KIF26B: variants seen among roughly 807,000 people sequenced by gnomAD.
The protein encoded by KIF26B is kinesin family member 26B.
A neutral mutation model predicts 151.2 loss-of-function variants in KIF26B; 63 were observed. The observed-to-expected ratio is 0.42, with a 90% confidence interval of 0.34 to 0.51. The LOEUF is 0.51. Ranked by LOEUF, KIF26B falls within the 20% of genes least tolerant of loss-of-function variation. The probability of loss-of-function intolerance (pLI) is 0.07; values close to 1 mark genes in which losing one functional copy is unlikely to be tolerated. For missense variants in KIF26B, 2,813 were observed against 2,913.6 expected, an observed-to-expected ratio of 0.97 and a Z score of 0.79; for synonymous variants, 1,357 against 1,262.1, an observed-to-expected ratio of 1.08 and a Z score of -1.59.
rs533030014 is a variant in KIF26B, at chr1:245,350,051, A to ATTT, written c.466-16776_466-16774dup. On this transcript the variant is annotated intron_variant, in intron 2 of 14. Coordinates refer to ENST00000407071, the MANE Select transcript of KIF26B (RefSeq NM_018012.4). ...AAGTGCAGAGAGTATATATATATAT[A>ATTT]TTTTTTTTTCATAAATACTTGCACA... 1.7e-4 allele frequency among the ~76,000 whole-genome samples: 24 copies of ATTT among 141,050 alleles called. No homozygotes were observed. In the East Asian group the frequency reaches 2.3e-3, roughly 14 times the overall value. The allele number at this position is 141,050 out of a possible 152,430, so 92.5% of individuals were successfully genotyped here.
chr1:245,425,371 A>G (rs1658618441), intron 4 of KIF26B, among the ~76,000 whole-genome samples: 2 of 151,948 alleles, frequency 1.3e-5, no homozygotes, highest in African/African-American at 4.8e-5. Context: ...CTTTGCATTG[A>G]TTTTCTTTCC....
In KIF26B at chr1:245,688,147, G is replaced by C. The variant is rs752859652; in HGVS notation, c.5164G>C (p.Gly1722Arg). The change falls in exon 12 of 15, where the codon GGG becomes CGG. Residue 1722 changes from glycine to arginine, a missense_variant. By Grantham distance (125) the Gly-to-Arg change is moderately radical. This residue lies in a region of KIF26B where 2,060 missense variants were observed against 2,088.6 expected (regional missense o/e 0.99). Transcript: ENST00000407071. The part of the protein sequence containing the change: ...RSAGTSPPSS[G>R]ASPKAGQSKI... The stretch of plus-strand genomic sequence containing the variant: ...CGCCGGGACCTCGCCCCCCAGCTCC[G>C]GGGCCTCGCCCAAGGCCGGCCAGTC... 6.3e-7 allele frequency: 1 copy of C among 1,593,844 alleles called. No individual in the cohort carries two copies. The highest frequency in any genetic ancestry group is 8.5e-7 in the Non-Finnish European group (1 of 1,176,576).
chr1:245,321,142 C>T (rs1315766726), intron 2 of KIF26B, among the ~76,000 whole-genome samples: 1 of 151,958 alleles, frequency 6.6e-6, no homozygotes, highest in East Asian at 1.9e-4. Context: ...CCCCTGTTCT[C>T]TCTCTATTCA....
chr1:245,543,083 C>G (rs1166269662), intron 5 of KIF26B, among the ~76,000 whole-genome samples: 2 of 152,152 alleles, frequency 1.3e-5, no homozygotes, highest in Non-Finnish European at 2.9e-5. Context: ...ACAGTACTGG[C>G]CTTGTCTGTG....
intron 9 of KIF26B, among the ~76,000 whole-genome samples, chr1:245,629,338 T>G (rs1202472596): frequency 6.6e-6 from 1 of 152,136 alleles, no homozygotes; most frequent in Non-Finnish European, 1.5e-5. Context: ...GCTACCTGAC[T>G]TCAAACTATA....
At chr1:245,690,205 C>T (rs537379506) in intron 12 of KIF26B, among the ~76,000 whole-genome samples, 28 of 152,306 alleles carry the variant, frequency 1.8e-4, no homozygotes, top group Middle Eastern at 3.4e-3. Context: ...ATGAAATTTA[C>T]GCAGAACCCC....
intron 2 of KIF26B, among the ~76,000 whole-genome samples, chr1:245,217,947 G>A (rs1669682878): frequency 1.3e-5 from 2 of 152,210 alleles, no homozygotes; most frequent in Non-Finnish European, 2.9e-5. Context: ...GAAGCACCGA[G>A]AGAATAAATG....
intron 5 of KIF26B, among the ~76,000 whole-genome samples, chr1:245,553,837 G>A (rs1488710291): frequency 1.3e-5 from 2 of 152,130 alleles, no homozygotes; most frequent in Non-Finnish European, 2.9e-5. Flanking sequence ...TCTGTGTCTA[G>A]AGCACCAGAC....
chr1:245,503,356 A>G (rs1300087780), intron 4 of KIF26B, among the ~76,000 whole-genome samples: 1 of 152,192 alleles, frequency 6.6e-6, no homozygotes, highest in Admixed American at 6.5e-5. Context: ...TTTGGGTAGT[A>G]CCTACCACCC....
In KIF26B at chr1:245,167,285, C is replaced by T. The variant is rs143635955; in HGVS notation, c.465+10602C>T. 3.6e-3 allele frequency among the ~76,000 whole-genome samples: 540 copies of T among 152,100 alleles called. No individual in the cohort carries two copies. Among genetic ancestry groups the T allele is most frequent in the African/African-American group, 0.013 (525 of 41,502 alleles). On this transcript the variant is annotated intron_variant, in intron 2 of 14. Transcript: ENST00000407071. The surrounding 1 kb of genome is among the most constrained non-coding windows in gnomAD (Gnocchi z 4.2). ...ATAGAAACTTTTATTTTGATATGTC[C>T]TTATCTAAGTGATGTCTGAGGTCTG...
intron 4 of KIF26B, among the ~76,000 whole-genome samples, chr1:245,522,031 G>T (rs565595891): frequency 6.6e-6 from 1 of 151,830 alleles, no homozygotes; most frequent in East Asian, 1.9e-4. Flanking sequence ...CACCATGCCC[G>T]GCTAATTTTT....
intron 4 of KIF26B, among the ~76,000 whole-genome samples, chr1:245,463,604 G>A (rs1035206850): frequency 1.3e-5 from 2 of 152,204 alleles, no homozygotes; most frequent in Admixed American, 6.5e-5. Flanking sequence ...TGCAGTCAAT[G>A]GTTACTGAAG....
chr1:245,470,049 G>A (rs992392988), intron 4 of KIF26B, among the ~76,000 whole-genome samples: 5 of 152,060 alleles, frequency 3.3e-5, no homozygotes, highest in Non-Finnish European at 5.9e-5. Context: ...TGAAAGAACC[G>A]ATAGGATTCA....
At position 245,561,915 on chromosome 1, in the gene KIF26B, G is replaced by A. The variant is rs566216889; in HGVS notation, c.1350+20965G>A. ...TCAGAGGTGGTCCTGCCTCTTCTCA[G>A]TCTCCATCCCAAGGCTCTTTACAGC... is the stretch of plus-strand genomic sequence containing the variant. On this transcript the variant is annotated intron_variant, in intron 5 of 14. Coordinates refer to ENST00000407071, the MANE Select transcript of KIF26B (RefSeq NM_018012.4). Among the ~76,000 whole-genome samples, 3 of 152,290 alleles carry A rather than the reference G, an allele frequency of 2.0e-5. No homozygotes were observed. The East Asian group carries it at 5.8e-4, about 29-fold the overall frequency.
chr1:245,668,888 G>C lies in KIF26B; in HGVS notation c.2259-15345G>C, dbSNP rs182415287. Among the ~76,000 whole-genome samples the C allele has an allele frequency of 7.8e-3, 1,178 of 151,864 alleles. 6 individuals carry two copies. The highest frequency in any genetic ancestry group is 0.013 in the Non-Finnish European group (900 of 67,928). On this transcript the variant is annotated intron_variant, in intron 10 of 14. Coordinates refer to ENST00000407071, the MANE Select transcript of KIF26B (RefSeq NM_018012.4). ...GTAGTTTTAGTAGAGATGGGGTTTC[G>C]CCATGTTGGCCAGGCTGGTCGCGAA...
At chr1:245,250,171 CTT>C (rs1175370872) in intron 2 of KIF26B, among the ~76,000 whole-genome samples, 2 of 152,050 alleles carry the variant, frequency 1.3e-5, no homozygotes, top group Non-Finnish European at 2.9e-5. Context: ...TCCTGTTGCA[CTT>C]TCTTTTTCCT....
chr1:245,591,426 G>A (rs182334554), intron 5 of KIF26B, among the ~76,000 whole-genome samples: 3 of 152,248 alleles, frequency 2.0e-5, no homozygotes, highest in Admixed American at 1.3e-4. Context: ...ACTCTGCTAG[G>A]CCAGTACTGT....
At chr1:245,325,319 C>T (rs1158044961) in intron 2 of KIF26B, among the ~76,000 whole-genome samples, 1 of 152,134 alleles carries the variant, frequency 6.6e-6, no homozygotes, top group Non-Finnish European at 1.5e-5. Context: ...GGCATTTGTT[C>T]TCACTTTCAC....
At chr1:245,194,048 G>T (rs1355454925) in intron 2 of KIF26B, among the ~76,000 whole-genome samples, 1 of 152,144 alleles carries the variant, frequency 6.6e-6, no homozygotes, top group Non-Finnish European at 1.5e-5. Context: ...AATACCACTA[G>T]AATTGTTAAA....
Sources: allele counts gnomAD v4.1 joint callset (sites outside exome capture counted in the v4.1 genomes callset), GRCh38; gene constraint gnomAD v4.1.1; regional missense constraint gnomAD v4.1.1; non-coding constraint Gnocchi (gnomAD v3.1); transcripts MANE v1.5; gene names NCBI Gene and HGNC (gene_info 2026-07-23, HGNC 2026-07-21).